The following NELL1 variants were observed in gnomAD, a reference collection of about 807,000 sequenced individuals.
The protein encoded by NELL1 is protein kinase C-binding protein NELL1.
NELL1 carries 76 observed loss-of-function variants against 107.4 expected under a neutral mutation model. The ratio of observed to expected loss-of-function variants is 0.71; its 90% CI spans 0.59 to 0.86. NELL1 has a LOEUF of 0.86. NELL1 is among the 40% of genes least tolerant of loss of function. The pLI, the probability that NELL1 is intolerant of heterozygous loss-of-function variation, is 0.00. For missense variants in NELL1, 1,024 were observed against 1,005.5 expected (o/e 1.02, Z -0.25); for synonymous variants, 353 against 341.2 (o/e 1.03, Z -0.38).
chr11:21,358,565 A>ATTTTTTT (rs75578174), intron 14 of NELL1, among the ~76,000 whole-genome samples: 3 of 97,682 alleles, frequency 3.1e-5, no homozygotes, highest in Non-Finnish European at 4.0e-5. Context: ...TGCCCTGATA[A>ATTTTTTT]TTTTTTTTTT....
intron 13 of NELL1, among the ~76,000 whole-genome samples, chr11:21,213,516 T>G (rs1012732649): frequency 2.0e-5 from 3 of 151,924 alleles, no homozygotes; most frequent in Admixed American, 6.6e-5. Flanking sequence ...TGAATTGAAT[T>G]GAATCAATTG....
intron 2 of NELL1, among the ~76,000 whole-genome samples, chr11:20,730,500 G>T (rs1855614028): frequency 6.6e-6 from 1 of 152,154 alleles, no homozygotes; most frequent in Non-Finnish European, 1.5e-5. Flanking sequence ...ACCCAGAGAG[G>T]TTAAATGGCA....
chr11:20,931,222 G>A (rs139577617), intron 9 of NELL1, among the ~76,000 whole-genome samples: 2 of 152,062 alleles, frequency 1.3e-5, no homozygotes, highest in Non-Finnish European at 2.9e-5. Context: ...GGAGGGAGGG[G>A]GAGAATACCG....
intron 2 of NELL1, among the ~76,000 whole-genome samples, chr11:20,682,391 T>G (rs1854210680): frequency 6.6e-6 from 1 of 151,066 alleles, no homozygotes; most frequent in South Asian, 2.1e-4. Flanking sequence ...ATATTTTACT[T>G]TTTTTAAAAA....
At chr11:21,287,136 G>A (rs1013260316) in intron 14 of NELL1, among the ~76,000 whole-genome samples, 4 of 151,988 alleles carry the variant, frequency 2.6e-5, no homozygotes, top group East Asian at 3.9e-4. Context: ...TTTGGTTTGC[G>A]GCCAACTTTT....
At chr11:20,674,515 T>C in intron 1 of NELL1, 1 of 1,536,144 alleles carries the variant, frequency 6.5e-7, no homozygotes, top group South Asian at 1.2e-5. Context: ...ACCCGTGTTA[T>C]CGCTGATATG....
chr11:21,100,896 A>G (rs1854789697), intron 12 of NELL1, among the ~76,000 whole-genome samples: 1 of 151,948 alleles, frequency 6.6e-6, no homozygotes, highest in Non-Finnish European at 1.5e-5. Flanking sequence ...CGTGCAGGCT[A>G]GTTACATATG....
In NELL1 at chr11:21,099,220, C is replaced by CACACACACACACAA. The variant is rs1554967526; in HGVS notation, c.1301-14355_1301-14342dup. Among the ~76,000 whole-genome samples, 23 of 142,368 alleles carry CACACACACACACAA rather than the reference C, an allele frequency of 1.6e-4. No homozygotes were observed. In the East Asian group the frequency reaches 2.5e-3, roughly 15 times the overall value. The allele number at this position is 142,368 out of a possible 152,430, so 93.4% of individuals were successfully genotyped here. ...ACACACACACACACACACACACACA[C>CACACACACACACAA]ACACACACACACAAACACACACACA... On this transcript the variant is annotated intron_variant, in intron 12 of 19. Coordinates refer to ENST00000357134, the MANE Select transcript of NELL1 (RefSeq NM_006157.5).
At chr11:21,205,689 G>A (rs147328659) in intron 13 of NELL1, among the ~76,000 whole-genome samples, 1 of 152,114 alleles carries the variant, frequency 6.6e-6, no homozygotes, top group Non-Finnish European at 1.5e-5. Context: ...CAGCAAGCTC[G>A]CTGTCTGCCC....
intron 13 of NELL1, among the ~76,000 whole-genome samples, chr11:21,207,207 T>C (rs763000892): frequency 6.6e-6 from 1 of 152,212 alleles, no homozygotes; most frequent in Non-Finnish European, 1.5e-5. Flanking sequence ...TTGCCTGGTG[T>C]GCTACTGGAC....
intron 12 of NELL1, among the ~76,000 whole-genome samples, chr11:21,013,537 T>C (rs2134290424): frequency 6.6e-6 from 1 of 152,256 alleles, no homozygotes; most frequent in East Asian, 1.9e-4. Context: ...TGCTGAGGAA[T>C]AAATGGGTCC....
intron 14 of NELL1, among the ~76,000 whole-genome samples, chr11:21,271,248 A>G (rs2133934805): frequency 6.6e-6 from 1 of 152,296 alleles, no homozygotes; most frequent in East Asian, 1.9e-4. Flanking sequence ...ACCTCCAGTC[A>G]GGCTAAGACA....
chr11:20,951,302 A>AT (rs1042610763), intron 11 of NELL1, among the ~76,000 whole-genome samples: 6 of 151,814 alleles, frequency 4.0e-5, no homozygotes, highest in South Asian at 4.2e-4. Flanking sequence ...TATGAAGTTA[A>AT]TTTTTTTTTA....
At chr11:20,832,197 C>G (rs1858025813) in intron 3 of NELL1, among the ~76,000 whole-genome samples, 1 of 152,196 alleles carries the variant, frequency 6.6e-6, no homozygotes, top group African/African-American at 2.4e-5. Context: ...GCTGCATCTT[C>G]TAAGCTCATT....
chr11:21,282,394 C>T (rs1017347659), intron 14 of NELL1, among the ~76,000 whole-genome samples: 15 of 149,652 alleles, frequency 1.0e-4, no homozygotes, highest in African/African-American at 2.5e-4. Flanking sequence ...GCACGGGAAT[C>T]GCTTGAGCTT....
intron 16 of NELL1, among the ~76,000 whole-genome samples, chr11:21,545,273 A>T (rs963565989): frequency 3.3e-5 from 5 of 151,872 alleles, no homozygotes; most frequent in Admixed American, 3.3e-4. Context: ...AGAGTTGGTT[A>T]TGTGATGTCT....
At chr11:21,209,640 T>C (rs1329857958) in intron 13 of NELL1, among the ~76,000 whole-genome samples, 2 of 152,114 alleles carry the variant, frequency 1.3e-5, no homozygotes, top group Non-Finnish European at 2.9e-5. Flanking sequence ...CATTAAAGTA[T>C]AGAATTTGAT....
At chr11:20,749,468 G>T (rs1189684017) in intron 2 of NELL1, among the ~76,000 whole-genome samples, 1 of 152,120 alleles carries the variant, frequency 6.6e-6, no homozygotes, top group African/African-American at 2.4e-5. Flanking sequence ...AGGCATAGTG[G>T]TATGTGCTTG....
intron 3 of NELL1, among the ~76,000 whole-genome samples, chr11:20,837,546 G>A (rs1848556061): frequency 6.6e-6 from 1 of 152,132 alleles, no homozygotes; most frequent in South Asian, 2.1e-4. Context: ...TCCAGTAGAA[G>A]GAACAAGCCT....
Sources: gnomAD v4.1 joint callset for allele counts (sites outside exome capture counted in the v4.1 genomes callset) on GRCh38, gnomAD v4.1.1 for gene constraint, MANE v1.5 for transcripts, NCBI Gene and HGNC (gene_info 2026-07-23, HGNC 2026-07-21) for gene names.